Variants in HTR1F observed in about 807,000 individuals in gnomAD.
HTR1F encodes 5-hydroxytryptamine (serotonin) receptor 1F, G protein-coupled.
A neutral mutation model predicts 24.0 loss-of-function variants in HTR1F; 17 were observed. The observed-to-expected ratio is 0.71, with a 90% CI of 0.48 to 1.06. The LOEUF is 1.06. Among genes scored for constraint, HTR1F ranks in the 50% least tolerant of loss-of-function variants. HTR1F has a pLI of 0.00. For missense variants in HTR1F, 391 were observed against 427.8 expected (o/e 0.91, Z 0.76); for synonymous variants, 186 against 156.8 (o/e 1.19, Z -1.39).
intron 2 of HTR1F, among the ~76,000 whole-genome samples, chr3:87,968,495 A>G (rs1463915902): frequency 6.6e-6 from 1 of 152,168 alleles, no homozygotes; most frequent in Non-Finnish European, 1.5e-5. Flanking sequence ...TACAAGCATG[A>G]ACCACCGCAC....
chr3:87,850,572 C>A (rs568706736), intron 2 of HTR1F, among the ~76,000 whole-genome samples: 4 of 151,042 alleles, frequency 2.6e-5, no homozygotes, highest in African/African-American at 9.8e-5. Flanking sequence ...CAAACCTGCA[C>A]GTTGTGCACA....
intron 2 of HTR1F, among the ~76,000 whole-genome samples, chr3:87,851,462 A>G (rs185135799): frequency 1.1e-3 from 165 of 151,812 alleles, no homozygotes; most frequent in Non-Finnish European, 1.8e-3. Flanking sequence ...AAATTTGCTT[A>G]TATAATTTCT....
At chr3:87,982,055 T>C (rs1705555921) in intron 2 of HTR1F, among the ~76,000 whole-genome samples, 2 of 152,100 alleles carry the variant, frequency 1.3e-5, no homozygotes. Flanking sequence ...TCCGAGTAGC[T>C]GGGATTACAG....
chr3:87,965,414 A>G (rs1287394616), intron 2 of HTR1F, among the ~76,000 whole-genome samples: 3 of 152,164 alleles, frequency 2.0e-5, no homozygotes, highest in Admixed American at 6.6e-5. Flanking sequence ...TATATATTGC[A>G]AAACTAAATA....
intron 2 of HTR1F, among the ~76,000 whole-genome samples, chr3:87,834,268 G>A (rs1400792175): frequency 6.6e-6 from 1 of 151,938 alleles, no homozygotes; most frequent in Admixed American, 6.6e-5. Flanking sequence ...TACACATAAG[G>A]TATGCATAAT....
At chr3:87,834,712 G>A (rs149090547) in intron 2 of HTR1F, among the ~76,000 whole-genome samples, 1 of 152,210 alleles carries the variant, frequency 6.6e-6, no homozygotes, top group African/African-American at 2.4e-5. Context: ...TATATCCCTG[G>A]TGCTAAGAAG....
rs778525634 is a variant in HTR1F at position 87,993,235 on chromosome 3, T to C, written c.*1385T>C. 4 of 166,724 alleles carry C rather than the reference T, an allele frequency of 2.4e-5. No individual in the cohort carries two copies. The highest frequency in any genetic ancestry group is 4.4e-5 in the Non-Finnish European group (3 of 68,050). 10.3% of individuals were successfully genotyped at this position (166,724 alleles called of 1,614,324 possible). On this transcript the variant is annotated 3_prime_UTR_variant, in exon 3 of 3. Transcript: ENST00000319595. ...AAGAGTACATTACATCAATTTTATG[T>C]ATATATAGATCTGTGACAAATTACT...
intron 2 of HTR1F, among the ~76,000 whole-genome samples, chr3:87,910,496 G>A (rs1382628628): frequency 6.6e-6 from 1 of 152,014 alleles, no homozygotes; most frequent in Non-Finnish European, 1.5e-5. Flanking sequence ...TCTACAAAGA[G>A]ACTTAGAGTC....
chr3:87,844,724 T>A (rs1366558172), intron 2 of HTR1F, among the ~76,000 whole-genome samples: 5 of 143,092 alleles, frequency 3.5e-5, no homozygotes, highest in Non-Finnish European at 6.0e-5. Flanking sequence ...AAGGAAGGGA[T>A]CCAGTTTCAG....
At chr3:87,904,846 T>C (rs1033431311) in intron 2 of HTR1F, among the ~76,000 whole-genome samples, 5 of 151,916 alleles carry the variant, frequency 3.3e-5, no homozygotes, top group African/African-American at 9.7e-5. Context: ...GAGGTTGGAG[T>C]GATAATGTTT....
At chr3:87,918,618 T>A (rs1165987959) in intron 2 of HTR1F, among the ~76,000 whole-genome samples, 1 of 151,954 alleles carries the variant, frequency 6.6e-6, no homozygotes, top group African/African-American at 2.4e-5. Context: ...TCAACCCCTT[T>A]TACAATAGCT....
intron 2 of HTR1F, among the ~76,000 whole-genome samples, chr3:87,876,282 A>G (rs986688932): frequency 1.3e-5 from 2 of 152,174 alleles, no homozygotes; most frequent in Admixed American, 6.6e-5. Flanking sequence ...TGAAAACAGG[A>G]TCTTGAAGAG....
chr3:87,944,522 A>G (rs1315617172), intron 2 of HTR1F, among the ~76,000 whole-genome samples: 1 of 152,230 alleles, frequency 6.6e-6, no homozygotes, highest in African/African-American at 2.4e-5. Context: ...TCCTGTCCTG[A>G]AGGGAGTTCC....
At position 87,992,645 on chromosome 3, in the gene HTR1F, AT is replaced by A. The variant is rs1374451708; in HGVS notation, c.*796del. Reference sequence around the variant, plus strand: ...ATAATTGCTCTCTGTTTACTTAGGAATCAAATTTAAAGCACTAAATATCATA... The same window carrying A: ...ATAATTGCTCTCTGTTTACTTAGGAACAAATTTAAAGCACTAAATATCATA... On this transcript the variant is annotated 3_prime_UTR_variant, in exon 3 of 3. Transcript: ENST00000319595. 6.0e-6 allele frequency: 1 copy of A among 167,024 alleles called. No homozygotes were observed. Among genetic ancestry groups the A allele is most frequent in the African/African-American group, 2.4e-5 (1 of 41,448 alleles). The allele number at this position is 167,024 out of a possible 1,614,324, so 10.3% of individuals were successfully genotyped here. A position where few individuals can be genotyped will look rare whatever the true frequency, so the allele number is the denominator to read the frequency against.
intron 2 of HTR1F, among the ~76,000 whole-genome samples, chr3:87,987,407 T>C (rs1158494721): frequency 1.3e-5 from 2 of 151,478 alleles, no homozygotes; most frequent in African/African-American, 2.4e-5. Flanking sequence ...TAAAAACATA[T>C]ATCAAGAATT....
At chr3:87,973,060 A>G (rs1363505858) in intron 2 of HTR1F, among the ~76,000 whole-genome samples, 1 of 151,860 alleles carries the variant, frequency 6.6e-6, no homozygotes, top group African/African-American at 2.4e-5. Context: ...AATCCCAGCT[A>G]CTCGGGAAAC....
intron 1 of HTR1F, among the ~76,000 whole-genome samples, chr3:87,814,396 T>C (rs1338772030): frequency 3.9e-5 from 6 of 152,166 alleles, no homozygotes; most frequent in Admixed American, 2.6e-4. Context: ...TGTTAAGAAC[T>C]CTTAAAATCT....
rs138939215 is a variant in HTR1F at position 87,957,897 on chromosome 3, T to C, written c.-42-32811T>C. 5.5e-3 allele frequency among the ~76,000 whole-genome samples: 836 copies of C among 151,534 alleles called. 9 individuals carry two copies. Among genetic ancestry groups the C allele is most frequent in the African/African-American group, 0.019 (787 of 41,502 alleles). On this transcript the variant is annotated intron_variant, in intron 2 of 2. Transcript: ENST00000319595. ...GCTTTTTTCATTTGTCTGTTTTTTA[T>C]GTCTTTGATGTCAGCTCTTATTTTA...
intron 1 of HTR1F, among the ~76,000 whole-genome samples, chr3:87,797,606 G>A (rs1444869873): frequency 2.0e-5 from 3 of 151,784 alleles, no homozygotes; most frequent in Non-Finnish European, 4.4e-5. Context: ...TTTGAATCAC[G>A]TGCACATAGA....
Sources: gnomAD v4.1 joint callset for allele counts (sites outside exome capture counted in the v4.1 genomes callset) on GRCh38, gnomAD v4.1.1 for gene constraint, MANE v1.5 for transcripts, NCBI Gene and HGNC (gene_info 2026-07-23, HGNC 2026-07-21) for gene names.